ADAMTS3: variants seen among roughly 807,000 people sequenced by gnomAD.
ADAMTS3 encodes the protein ADAM metallopeptidase with thrombospondin type 1 motif 3.
Under a neutral mutation model 129.0 loss-of-function variants are expected in ADAMTS3, and 73 were observed. The ratio of observed to expected loss-of-function variants is 0.57; its 90% CI spans 0.47 to 0.69. ADAMTS3 has a LOEUF of 0.69. Among genes scored for constraint, ADAMTS3 ranks in the 30% least tolerant of loss-of-function variants. ADAMTS3 has a pLI of 0.00. For synonymous variants in ADAMTS3, 477 were observed against 510.8 expected (o/e 0.93, Z 0.89); for missense variants, 1,457 against 1,514.5 (o/e 0.96, Z 0.63).
chr4:72,290,773 C>T, intron 20 of ADAMTS3, 82 bp downstream of exon 20: 2 of 1,428,708 alleles, frequency 1.4e-6, no homozygotes, highest in Non-Finnish European at 1.9e-6. Flanking sequence ...CAAAGCCTAA[C>T]TGATGTTTAA....
intron 21 of ADAMTS3, among the ~76,000 whole-genome samples, chr4:72,285,238 C>T (rs1264541734): frequency 6.6e-6 from 1 of 152,192 alleles, no homozygotes; most frequent in Non-Finnish European, 1.5e-5. Context: ...TGAAATGACT[C>T]ATATATGCTT....
At chr4:72,508,119 A>G (rs758053961) in intron 3 of ADAMTS3, among the ~76,000 whole-genome samples, 2 of 152,164 alleles carry the variant, frequency 1.3e-5, no homozygotes, top group Non-Finnish European at 2.9e-5. Context: ...AAACAAACAC[A>G]TGCACATTGT....
At chr4:72,500,035 A>G (rs889859676) in intron 3 of ADAMTS3, among the ~76,000 whole-genome samples, 1 of 152,148 alleles carries the variant, frequency 6.6e-6, no homozygotes, top group Non-Finnish European at 1.5e-5. Context: ...ACTGATGAAC[A>G]CTTAGATTGA....
At chr4:72,328,720 G>A (rs1047530269) in intron 5 of ADAMTS3, among the ~76,000 whole-genome samples, 1 of 152,036 alleles carries the variant, frequency 6.6e-6, no homozygotes, top group Non-Finnish European at 1.5e-5. Context: ...AGTAATTACT[G>A]CTATTATTCA....
At chr4:72,446,709 T>C (rs887712501) in intron 3 of ADAMTS3, among the ~76,000 whole-genome samples, 9 of 151,728 alleles carry the variant, frequency 5.9e-5, no homozygotes, top group Non-Finnish European at 1.3e-4. Flanking sequence ...TCTAACAATA[T>C]GCTCAGTGCA....
At chr4:72,372,617 A>G (rs1296728488) in intron 4 of ADAMTS3, among the ~76,000 whole-genome samples, 1 of 152,044 alleles carries the variant, frequency 6.6e-6, no homozygotes, top group Non-Finnish European at 1.5e-5. Flanking sequence ...ATTAATAACT[A>G]AATTAGCAAG....
intron 4 of ADAMTS3, among the ~76,000 whole-genome samples, chr4:72,355,366 G>A (rs972017195): frequency 3.9e-5 from 6 of 151,902 alleles, no homozygotes; most frequent in Non-Finnish European, 7.4e-5. Flanking sequence ...GGGGGTGGAG[G>A]GTGCTCAAAG....
At chr4:72,547,534 T>C (rs1364214576) in intron 3 of ADAMTS3, among the ~76,000 whole-genome samples, 1 of 152,146 alleles carries the variant, frequency 6.6e-6, no homozygotes, top group African/African-American at 2.4e-5. Flanking sequence ...CCTGGATAGG[T>C]AATATGATGA....
chr4:72,399,432 T>C (rs1326772063), intron 4 of ADAMTS3, among the ~76,000 whole-genome samples: 1 of 152,106 alleles, frequency 6.6e-6, no homozygotes, highest in East Asian at 1.9e-4. Context: ...CACTCTTCTC[T>C]GAAAAAGAAA....
chr4:72,429,404 C>T (rs1241209491), intron 3 of ADAMTS3, among the ~76,000 whole-genome samples: 6 of 151,838 alleles, frequency 4.0e-5, no homozygotes, highest in African/African-American at 1.2e-4. Flanking sequence ...AGTAGAAAAG[C>T]GATATCTACC....
intron 3 of ADAMTS3, among the ~76,000 whole-genome samples, chr4:72,440,810 T>C (rs1718094095): frequency 6.6e-6 from 1 of 151,806 alleles, no homozygotes; most frequent in African/African-American, 2.4e-5. Flanking sequence ...ATAAGTCCCG[T>C]GGGAGTGAAA....
intron 3 of ADAMTS3, among the ~76,000 whole-genome samples, chr4:72,485,254 C>G (rs866168509): frequency 8.6e-5 from 13 of 151,966 alleles, no homozygotes; most frequent in Non-Finnish European, 1.5e-4. Context: ...ATTTTGTTTC[C>G]AACTCAAGAG....
intron 3 of ADAMTS3, among the ~76,000 whole-genome samples, chr4:72,418,312 C>A (rs1722361610): frequency 6.6e-6 from 1 of 152,072 alleles, no homozygotes. Context: ...CATAGTGTGG[C>A]AGCCAAAATT....
chr4:72,383,608 G>A (rs192908913), intron 4 of ADAMTS3, among the ~76,000 whole-genome samples: 35 of 152,284 alleles, frequency 2.3e-4, no homozygotes, highest in African/African-American at 8.2e-4. Flanking sequence ...CGGACTCTAA[G>A]CAGCCCAGCT....
rs557899370 is a variant in ADAMTS3 at position 72,377,103 on chromosome 4, C to A, written c.662-37410G>T. 2.0e-5 allele frequency among the ~76,000 whole-genome samples: 3 copies of A among 152,292 alleles called. No individual in the cohort carries two copies. In the South Asian group the frequency reaches 6.2e-4, roughly 32 times the overall value. On this transcript the variant is annotated intron_variant, in intron 4 of 21. Transcript: ENST00000286657. ...ATGGCATATAGCTATGTCCAAGACA[C>A]ACCCTGAGTACTGCACACCCACAAA...
intron 10 of ADAMTS3, 35 bp from the exon 11 acceptor site, chr4:72,316,006 TCAGCTAGCATGACATG>T (rs1481673589): frequency 1.5e-6 from 2 of 1,360,470 alleles, no homozygotes; most frequent in Non-Finnish European, 2.1e-6. Flanking sequence ...CAGTGAACTC[TCAGCTAGCATGACATG>T]CACCAAAAAT....
chr4:72,436,891 A>G (rs1467727997), intron 3 of ADAMTS3, among the ~76,000 whole-genome samples: 1 of 151,866 alleles, frequency 6.6e-6, no homozygotes, highest in Non-Finnish European at 1.5e-5. Flanking sequence ...AACATTAGGA[A>G]AAATATCTAA....
At chr4:72,323,451 G>A (rs555895075) in intron 5 of ADAMTS3, among the ~76,000 whole-genome samples, 10 of 152,288 alleles carry the variant, frequency 6.6e-5, no homozygotes, top group Middle Eastern at 6.8e-3. Flanking sequence ...CTGCTAGCCT[G>A]TGAGTTGCCT....
intron 3 of ADAMTS3, among the ~76,000 whole-genome samples, chr4:72,434,076 A>C (rs188292685): frequency 6.6e-6 from 1 of 151,756 alleles, no homozygotes; most frequent in South Asian, 2.1e-4. Flanking sequence ...GCTTGAGTAC[A>C]TTCTGTTCTT....
Sources: allele counts gnomAD v4.1 joint callset (sites outside exome capture counted in the v4.1 genomes callset), GRCh38; gene constraint gnomAD v4.1.1; transcripts MANE v1.5; gene names NCBI Gene and HGNC (gene_info 2026-07-23, HGNC 2026-07-21).